Variants in ZDHHC17 observed in about 807,000 individuals in gnomAD.
ZDHHC17 encodes zDHHC palmitoyltransferase 17.
ZDHHC17 carries 40 observed loss-of-function variants against 90.3 expected under a neutral mutation model. The observed-to-expected ratio is 0.44, with a 90% confidence interval of 0.34 to 0.58. ZDHHC17 has a LOEUF of 0.58. ZDHHC17 is among the 20% of genes least tolerant of loss of function. ZDHHC17 has a pLI of 0.01. For synonymous variants in ZDHHC17, 235 were observed against 252.4 expected (o/e 0.93, Z 0.65); for missense variants, 614 against 780.8 (o/e 0.79, Z 2.55).
intron 1 of ZDHHC17, among the ~76,000 whole-genome samples, chr12:76,789,345 C>T (rs1353825116): frequency 5.9e-5 from 9 of 152,182 alleles, no homozygotes; most frequent in African/African-American, 2.2e-4. Flanking sequence ...AGATAGGATT[C>T]CCACCCTGTC....
intron 1 of ZDHHC17, among the ~76,000 whole-genome samples, chr12:76,768,529 T>C (rs1246413212): frequency 6.6e-6 from 1 of 152,224 alleles, no homozygotes; most frequent in Non-Finnish European, 1.5e-5. Context: ...GTTGGGAAGT[T>C]GTAGGCACGT....
At chr12:76,777,141 A>G (rs1036682619) in intron 1 of ZDHHC17, among the ~76,000 whole-genome samples, 1 of 152,140 alleles carries the variant, frequency 6.6e-6, no homozygotes, top group African/African-American at 2.4e-5. Flanking sequence ...TTCCTTCCCC[A>G]TAAGGATTCT....
At chr12:76,788,010 A>C (rs1023785050) in intron 1 of ZDHHC17, among the ~76,000 whole-genome samples, 38 of 152,168 alleles carry the variant, frequency 2.5e-4, no homozygotes, top group African/African-American at 8.5e-4. Context: ...CAGGAGTTCC[A>C]GGCTGTAGTG....
intron 2 of ZDHHC17, among the ~76,000 whole-genome samples, chr12:76,802,783 T>A (rs1018469838): frequency 2.0e-5 from 3 of 152,244 alleles, no homozygotes; most frequent in African/African-American, 7.2e-5. Flanking sequence ...AATTTCTTTC[T>A]GGTTTCTTTT....
At chr12:76,838,688 G>T (rs767702712) in intron 10 of ZDHHC17, among the ~76,000 whole-genome samples, 5 of 152,064 alleles carry the variant, frequency 3.3e-5, no homozygotes, top group African/African-American at 4.8e-5. Flanking sequence ...CCTCAATTTT[G>T]TTAAGTCACC....
chr12:76,832,580 C>A (rs566148100), intron 10 of ZDHHC17, among the ~76,000 whole-genome samples: 1 of 152,264 alleles, frequency 6.6e-6, no homozygotes, highest in African/African-American at 2.4e-5. Flanking sequence ...TTTTAAAAAA[C>A]TTTATTTAAT....
At chr12:76,781,102 C>T (rs1952619692) in intron 1 of ZDHHC17, among the ~76,000 whole-genome samples, 1 of 138,270 alleles carries the variant, frequency 7.2e-6, no homozygotes, top group African/African-American at 2.7e-5. Context: ...CCACTGCACT[C>T]CAGCCTGGGC....
chr12:76,804,611 G>C (rs1423164126), intron 2 of ZDHHC17, among the ~76,000 whole-genome samples: 1 of 152,200 alleles, frequency 6.6e-6, no homozygotes, highest in Non-Finnish European at 1.5e-5. Flanking sequence ...AGGGAAGAAA[G>C]TTTCATTATT....
At chr12:76,800,885 CTTTT>C (rs71085458) in intron 2 of ZDHHC17, among the ~76,000 whole-genome samples, 1 of 108,088 alleles carries the variant, frequency 9.3e-6, no homozygotes, top group Non-Finnish European at 1.8e-5. Context: ...TTTGCCATTT[CTTTT>C]TTTTTTTTTT....
intron 7 of ZDHHC17, among the ~76,000 whole-genome samples, chr12:76,818,059 A>C (rs1299859110): frequency 6.6e-6 from 1 of 152,018 alleles, no homozygotes; most frequent in East Asian, 1.9e-4. Context: ...CATGTAATAG[A>C]GGTTGGCTAT....
At chr12:76,790,835 A>G (rs934066916) in intron 1 of ZDHHC17, among the ~76,000 whole-genome samples, 1 of 152,150 alleles carries the variant, frequency 6.6e-6, no homozygotes, top group South Asian at 2.1e-4. Flanking sequence ...GAGGAAGGAG[A>G]TAGTTAAAGG....
At chr12:76,807,514 T>C (rs1268802926) in intron 3 of ZDHHC17, among the ~76,000 whole-genome samples, 2 of 152,182 alleles carry the variant, frequency 1.3e-5, no homozygotes, top group Non-Finnish European at 2.9e-5. Flanking sequence ...AATTGTGCAA[T>C]CTCAGAAGTT....
chr12:76,819,411 G>A (rs1163626169), intron 7 of ZDHHC17, among the ~76,000 whole-genome samples: 1 of 152,094 alleles, frequency 6.6e-6, no homozygotes, highest in East Asian at 1.9e-4. Context: ...GAATCTTGTT[G>A]ATAATAGTGG....
At chr12:76,832,079 C>T (rs537396960) in intron 10 of ZDHHC17, among the ~76,000 whole-genome samples, 2 of 152,248 alleles carry the variant, frequency 1.3e-5, no homozygotes, top group East Asian at 3.9e-4. Flanking sequence ...ATCTCTAGGC[C>T]CTCTACGATT....
At chr12:76,787,471 A>G (rs1481350702) in intron 1 of ZDHHC17, among the ~76,000 whole-genome samples, 1 of 152,242 alleles carries the variant, frequency 6.6e-6, no homozygotes, top group South Asian at 2.1e-4. Flanking sequence ...TTTATGATGA[A>G]GAAACACTAA....
At chr12:76,767,065 G>T (rs1954368478) in intron 1 of ZDHHC17, among the ~76,000 whole-genome samples, 1 of 151,846 alleles carries the variant, frequency 6.6e-6, no homozygotes, top group South Asian at 2.1e-4. Context: ...ATGCTGCCTA[G>T]TTTACTTGGC....
At chr12:76,824,546 A>G (rs985180728) in intron 8 of ZDHHC17, among the ~76,000 whole-genome samples, 8 of 102,906 alleles carry the variant, frequency 7.8e-5, no homozygotes, top group African/African-American at 2.5e-4. Context: ...AGTGTGTTTT[A>G]TATTTAAAAC....
intron 1 of ZDHHC17, among the ~76,000 whole-genome samples, chr12:76,779,351 T>G (rs1055851538): frequency 1.3e-5 from 2 of 152,310 alleles, no homozygotes; most frequent in African/African-American, 4.8e-5. Context: ...GGAGGTTGAA[T>G]TGACTCAGTT....
rs758765504 is a variant in ZDHHC17 at position 76,822,477 on chromosome 12, G to A, written c.843G>A (p.Arg281=). 1.2e-6 allele frequency: 2 copies of A among 1,613,122 alleles called. No individual in the cohort carries two copies. The highest frequency in any genetic ancestry group is 2.2e-5 in the South Asian group (2 of 90,986). ...VWMINHLQEA[R]QAKGYDNPSF... ...TGATCAACCACTTACAAGAGGCAAG[G>A]CAAGCAAAAGGATATGACAATCCGT... Residue 281 remains arginine (R), a synonymous_variant, in exon 8 of 17, where the codon AGG becomes AGA. Transcript: ENST00000426126.
Sources: allele counts gnomAD v4.1 joint callset (sites outside exome capture counted in the v4.1 genomes callset), GRCh38; gene constraint gnomAD v4.1.1; transcripts MANE v1.5; gene names NCBI Gene and HGNC (gene_info 2026-07-23, HGNC 2026-07-21).